Variants in TMEM232 observed in about 807,000 individuals in gnomAD.
TMEM232 encodes transmembrane protein 232.
A neutral mutation model predicts 78.8 loss-of-function variants in TMEM232; 80 were observed. That is an observed-to-expected ratio of 1.01 (90% confidence interval 0.85 to 1.22). The LOEUF (loss-of-function observed/expected upper bound fraction) is 1.22, where lower values mean the gene tolerates loss of function less well. Among genes scored for constraint, TMEM232 ranks in the 50% most tolerant of loss-of-function variants. TMEM232 has a pLI of 0.00. For missense variants in TMEM232, 881 were observed against 742.2 expected, an observed-to-expected ratio of 1.19 and a Z score of -2.17; for synonymous variants, 297 against 254.3, an observed-to-expected ratio of 1.17 and a Z score of -1.60.
intron 12 of TMEM232, among the ~76,000 whole-genome samples, chr5:110,479,333 A>AACAT (rs1354185341): frequency 2.0e-5 from 3 of 151,956 alleles, no homozygotes; most frequent in African/African-American, 7.2e-5. Flanking sequence ...TAGGTCATAA[A>AACAT]ACATACATAC....
At chr5:110,523,304 C>T (rs533903372) in intron 12 of TMEM232, among the ~76,000 whole-genome samples, 2 of 151,956 alleles carry the variant, frequency 1.3e-5, no homozygotes, top group Non-Finnish European at 2.9e-5. Context: ...CTTAGAATAC[C>T]AAGAGGTTGA....
At chr5:110,436,294 T>C (rs1291118647) in intron 12 of TMEM232, among the ~76,000 whole-genome samples, 1 of 152,110 alleles carries the variant, frequency 6.6e-6, no homozygotes. Context: ...TTTCCTATTT[T>C]AAATCAGATT....
chr5:110,737,318 T>G (rs1799281129), intron 1 of TMEM232, among the ~76,000 whole-genome samples: 1 of 152,134 alleles, frequency 6.6e-6, no homozygotes, highest in Non-Finnish European at 1.5e-5. Context: ...TCCTGCTTAT[T>G]TTTTTCCTAT....
At chr5:110,524,960 C>G (rs988639642) in intron 12 of TMEM232, among the ~76,000 whole-genome samples, 6 of 151,934 alleles carry the variant, frequency 3.9e-5, no homozygotes, top group Non-Finnish European at 8.8e-5. Flanking sequence ...ATAGCCACAC[C>G]TGCTCTCCTT....
At chr5:110,465,438 T>G (rs2149362731) in intron 12 of TMEM232, among the ~76,000 whole-genome samples, 1 of 152,322 alleles carries the variant, frequency 6.6e-6, no homozygotes, top group Admixed American at 6.5e-5. Flanking sequence ...GAACTCAGGC[T>G]GCATAATATT....
chr5:110,517,842 G>A (rs1768898762), intron 12 of TMEM232, among the ~76,000 whole-genome samples: 1 of 152,182 alleles, frequency 6.6e-6, no homozygotes, highest in African/African-American at 2.4e-5. Flanking sequence ...ATGAACTGCA[G>A]GCTCTGAAAG....
At chr5:110,594,992 C>T (rs189459545) in intron 10 of TMEM232, among the ~76,000 whole-genome samples, 2 of 152,296 alleles carry the variant, frequency 1.3e-5, no homozygotes, top group Admixed American at 1.3e-4. Context: ...TGCCTCCCAG[C>T]AGGGGTCAAC....
At chr5:110,589,743 G>C (rs895930735) in intron 10 of TMEM232, among the ~76,000 whole-genome samples, 1 of 152,000 alleles carries the variant, frequency 6.6e-6, no homozygotes, top group African/African-American at 2.4e-5. Context: ...AAAATGCCTG[G>C]AACATTCAAA....
intron 11 of TMEM232, among the ~76,000 whole-genome samples, chr5:110,533,316 G>C (rs999159956): frequency 6.6e-6 from 1 of 152,092 alleles, no homozygotes; most frequent in Non-Finnish European, 1.5e-5. Flanking sequence ...TGCTGATCGT[G>C]TCCGATTAAT....
intron 1 of TMEM232, among the ~76,000 whole-genome samples, chr5:110,695,787 C>A (rs781383845): frequency 6.6e-6 from 1 of 152,002 alleles, no homozygotes; most frequent in Admixed American, 6.6e-5. Context: ...CAATAACAGG[C>A]TCTGAAATTG....
intron 1 of TMEM232, among the ~76,000 whole-genome samples, chr5:110,709,937 C>T (rs910925063): frequency 6.6e-6 from 1 of 151,386 alleles, no homozygotes; most frequent in African/African-American, 2.4e-5. Flanking sequence ...AAATAAGTGA[C>T]TTTGAAATGA....
intron 1 of TMEM232, among the ~76,000 whole-genome samples, chr5:110,681,476 G>A (rs1345615120): frequency 1.3e-5 from 2 of 152,178 alleles, no homozygotes; most frequent in African/African-American, 2.4e-5. Flanking sequence ...AAGCAGAGTT[G>A]CCTGAGGATT....
chr5:110,662,295 G>C (rs1483280400), intron 2 of TMEM232, among the ~76,000 whole-genome samples: 3 of 151,972 alleles, frequency 2.0e-5, no homozygotes, highest in Non-Finnish European at 4.4e-5. Flanking sequence ...GAACAATACT[G>C]CTATGAGAAT....
chr5:110,464,781 CAT>C (rs1350878850), intron 12 of TMEM232, among the ~76,000 whole-genome samples: 34 of 152,120 alleles, frequency 2.2e-4, no homozygotes, highest in Non-Finnish European at 1.5e-5. Flanking sequence ...GAGTTAAACT[CAT>C]ATATACCATA....
intron 2 of TMEM232, among the ~76,000 whole-genome samples, chr5:110,657,444 T>G (rs1171863177): frequency 6.6e-6 from 1 of 151,856 alleles, no homozygotes; most frequent in Non-Finnish European, 1.5e-5. Flanking sequence ...CAGAATGAAA[T>G]CCTGTCATTT....
At chr5:110,631,017 T>C (rs1378508508) in intron 5 of TMEM232, among the ~76,000 whole-genome samples, 2 of 152,086 alleles carry the variant, frequency 1.3e-5, no homozygotes, top group African/African-American at 4.8e-5. Context: ...GTGTACCATG[T>C]GAGAGTACAG....
At chr5:110,421,902 G>A (rs1038607730) in intron 13 of TMEM232, among the ~76,000 whole-genome samples, 10 of 152,068 alleles carry the variant, frequency 6.6e-5, no homozygotes, top group Non-Finnish European at 1.3e-4. Context: ...AAAGTTAACT[G>A]CACTTATCTT....
intron 1 of TMEM232, among the ~76,000 whole-genome samples, chr5:110,684,062 C>T (rs1017097508): frequency 9.2e-5 from 14 of 151,816 alleles, no homozygotes; most frequent in African/African-American, 2.7e-4. Flanking sequence ...AACAGTTCTC[C>T]TTATTTTAAT....
chr5:110,392,254 G>A (rs763727345), intron 3 of TMEM232, among the ~76,000 whole-genome samples: 4 of 152,188 alleles, frequency 2.6e-5, no homozygotes, highest in Non-Finnish European at 5.9e-5. Flanking sequence ...ATGGGAGGAA[G>A]GAGAAGAGTG....
Sources: allele counts gnomAD v4.1 joint callset (sites outside exome capture counted in the v4.1 genomes callset), GRCh38; gene constraint gnomAD v4.1.1; transcripts MANE v1.5; gene names NCBI Gene and HGNC (gene_info 2026-07-23, HGNC 2026-07-21).